Variants in NEK10 observed in about 807,000 individuals in gnomAD.
NEK10 encodes serine/threonine-protein kinase Nek10.
A neutral mutation model predicts 159.8 loss-of-function variants in NEK10; 122 were observed. The observed-to-expected ratio is 0.76, with a 90% CI of 0.66 to 0.89. The LOEUF (loss-of-function observed/expected upper bound fraction) is 0.89, where lower values mean the gene tolerates loss of function less well. NEK10 is among the 40% of genes least tolerant of loss of function. The pLI, the probability that NEK10 is intolerant of heterozygous loss-of-function variation, is 0.00. For synonymous variants in NEK10, 466 were observed against 457.1 expected, an observed-to-expected ratio of 1.02 and a Z score of -0.25; for missense variants, 1,342 against 1,323.1, an observed-to-expected ratio of 1.01 and a Z score of -0.22.
intron 22 of NEK10, among the ~76,000 whole-genome samples, chr3:27,262,230 G>A (rs183530069): frequency 5.5e-4 from 83 of 152,228 alleles, no homozygotes; most frequent in African/African-American, 1.8e-3. Flanking sequence ...TCCCTTTGTG[G>A]GTAACCTGAC....
chr3:27,184,568 AAG>A (rs1230519450), intron 26 of NEK10, among the ~76,000 whole-genome samples: 2 of 152,238 alleles, frequency 1.3e-5, no homozygotes. Context: ...GTCAATAAAA[AAG>A]AGAGAATTGT....
chr3:27,361,607 G>A (rs1252498886), intron 1 of NEK10, among the ~76,000 whole-genome samples: 1 of 152,040 alleles, frequency 6.6e-6, no homozygotes, highest in Non-Finnish European at 1.5e-5. Flanking sequence ...CAGGCACTGA[G>A]GATACAACAC....
At chr3:27,200,200 G>A (rs1373427839) in intron 25 of NEK10, among the ~76,000 whole-genome samples, 1 of 152,164 alleles carries the variant, frequency 6.6e-6, no homozygotes, top group Non-Finnish European at 1.5e-5. Flanking sequence ...ACAAAAACAG[G>A]TGAGGAGTAA....
intron 22 of NEK10, chr3:27,278,612 G>T: frequency 2.7e-6 from 2 of 734,884 alleles, no homozygotes; most frequent in Non-Finnish European, 3.3e-6. Flanking sequence ...ATGAACATGT[G>T]ACCTTCTGTG....
intron 22 of NEK10, among the ~76,000 whole-genome samples, chr3:27,274,745 C>T (rs571485998): frequency 6.6e-6 from 1 of 152,160 alleles, no homozygotes; most frequent in South Asian, 2.1e-4. Context: ...ACCTCTGAAG[C>T]TCCAATGGCT....
intron 23 of NEK10, among the ~76,000 whole-genome samples, chr3:27,251,422 G>A (rs1169189027): frequency 6.6e-6 from 1 of 152,182 alleles, no homozygotes; most frequent in Non-Finnish European, 1.5e-5. Flanking sequence ...CTTTAGTGCT[G>A]TTGTTCTGAC....
chr3:27,331,815 C>CTAG (rs2149712103), intron 5 of NEK10, among the ~76,000 whole-genome samples: 1 of 152,234 alleles, frequency 6.6e-6, no homozygotes, highest in South Asian at 2.1e-4. Flanking sequence ...TCTTATACAT[C>CTAG]GTGGAAACAT....
rs567354278 is a variant in NEK10, at chr3:27,202,193, G to A, written c.2220+235C>T. 3.3e-4 allele frequency among the ~76,000 whole-genome samples: 50 copies of A among 151,256 alleles called. 1 individual carries two copies. In the South Asian group the frequency reaches 8.6e-3, roughly 26 times the overall value. Reference sequence around the variant, plus strand: ...ATAAATAAATAATAGAAGACCAAACGTCTTTTTAAAAATAATTTTGTATTA... The same window carrying A: ...ATAAATAAATAATAGAAGACCAAACATCTTTTTAAAAATAATTTTGTATTA... On this transcript the variant is annotated intron_variant, in intron 24 of 35. Coordinates refer to ENST00000691995, the MANE Select transcript of NEK10 (RefSeq NM_001394966.1).
chr3:27,216,894 C>CA (rs1365148592), intron 23 of NEK10, among the ~76,000 whole-genome samples: 2 of 152,172 alleles, frequency 1.3e-5, no homozygotes, highest in African/African-American at 2.4e-5. Context: ...TCTGAATCAT[C>CA]AGAGTATGAA....
chr3:27,195,284 T>C (rs1383804675), intron 25 of NEK10, among the ~76,000 whole-genome samples: 1 of 152,222 alleles, frequency 6.6e-6, no homozygotes, highest in Non-Finnish European at 1.5e-5. Flanking sequence ...TTAAGAATAC[T>C]TGCCTTTATG....
chr3:27,242,081 A>G (rs1201334848), intron 23 of NEK10, among the ~76,000 whole-genome samples: 1 of 152,222 alleles, frequency 6.6e-6, no homozygotes, highest in Non-Finnish European at 1.5e-5. Flanking sequence ...TTTGGGCTAT[A>G]GGGACATGCA....
intron 23 of NEK10, among the ~76,000 whole-genome samples, chr3:27,250,336 A>G (rs1025415692): frequency 4.6e-5 from 7 of 151,626 alleles, no homozygotes; most frequent in African/African-American, 1.5e-4. Flanking sequence ...ACAGGCGCCC[A>G]CCACCATGCC....
At chr3:27,177,159 T>C (rs1233673496) in intron 26 of NEK10, among the ~76,000 whole-genome samples, 1 of 152,140 alleles carries the variant, frequency 6.6e-6, no homozygotes. Flanking sequence ...TAAATTCTGA[T>C]AAAGGGGAAT....
At chr3:27,223,791 T>A (rs144086825) in intron 23 of NEK10, among the ~76,000 whole-genome samples, 162 of 152,310 alleles carry the variant, frequency 1.1e-3, no homozygotes, top group African/African-American at 3.8e-3. Flanking sequence ...CCCCTGAGGC[T>A]CCAGAAACAT....
rs141357200 is a variant in NEK10 at position 27,200,460 on chromosome 3, C to T, written c.2291+1050G>A. Among the ~76,000 whole-genome samples the T allele has an allele frequency of 2.4e-4, 36 of 152,192 alleles. 1 individual carries two copies. In the South Asian group the frequency reaches 7.1e-3, roughly 30 times the overall value. On this transcript the variant is annotated intron_variant, in intron 25 of 35. Transcript: ENST00000691995. ...AACTTAAGTACCCAACTTAAGTACTCAAGATGCAACTTAAGTACCCAAGAT... is the reference window on the plus strand; with the variant it reads ...AACTTAAGTACCCAACTTAAGTACTTAAGATGCAACTTAAGTACCCAAGAT...
chr3:27,124,825 A>T (rs1050293532), intron 32 of NEK10, among the ~76,000 whole-genome samples: 1 of 152,226 alleles, frequency 6.6e-6, no homozygotes, highest in Non-Finnish European at 1.5e-5. Context: ...GGAAATATGG[A>T]GGACACAGCA....
chr3:27,119,770 A>C lies in NEK10; in HGVS notation c.3180T>G (p.Asn1060Lys). The C allele has an allele frequency of 6.2e-7, 1 of 1,613,430 alleles. No homozygotes were observed. Among genetic ancestry groups the C allele is most frequent in the Non-Finnish European group, 8.5e-7 (1 of 1,179,376 alleles). The change falls in exon 33 of 36, where the codon AAT becomes AAG. Residue 1060 changes from asparagine to lysine, a missense_variant. Asn to Lys is a moderately conservative substitution (Grantham distance 94). Coordinates refer to ENST00000691995, the MANE Select transcript of NEK10 (RefSeq NM_001394966.1). ...RSSGGNSLSP[N>K]DPTGLPTSIE... ...GTTGATCACTATTACCTGTAGGGTCATTTGGGGACAGGCTGTTTCCACCGG... is the reference window on the plus strand; with the variant it reads ...GTTGATCACTATTACCTGTAGGGTCCTTTGGGGACAGGCTGTTTCCACCGG...
intron 23 of NEK10, among the ~76,000 whole-genome samples, chr3:27,208,351 C>T (rs562397228): frequency 4.6e-5 from 7 of 152,116 alleles, no homozygotes; most frequent in Admixed American, 1.3e-4. Flanking sequence ...ATGCCTTGAT[C>T]TTCTTCTATG....
At chr3:27,289,284 C>T (rs1057326843) in intron 19 of NEK10, among the ~76,000 whole-genome samples, 6 of 152,192 alleles carry the variant, frequency 3.9e-5, no homozygotes, top group Non-Finnish European at 8.8e-5. Context: ...TAAGCACCTG[C>T]ATTTGGGATC....
Sources: gnomAD v4.1 joint callset for allele counts (sites outside exome capture counted in the v4.1 genomes callset) on GRCh38, gnomAD v4.1.1 for gene constraint, MANE v1.5 for transcripts, NCBI Gene and HGNC (gene_info 2026-07-23, HGNC 2026-07-21) for gene names.